The following EYA4 variants were observed in gnomAD, a reference collection of about 807,000 sequenced individuals.
EYA4 encodes the protein protein phosphatase EYA4.
EYA4 carries 31 observed loss-of-function variants against 87.9 expected under a neutral mutation model. That is an observed-to-expected ratio of 0.35 (90% confidence interval 0.27 to 0.48). The LOEUF is 0.48. EYA4 is among the 20% of genes least tolerant of loss of function. The pLI is 0.99. For missense variants in EYA4, 678 were observed against 761.4 expected (o/e 0.89, Z 1.29); for synonymous variants, 263 against 270.6 (o/e 0.97, Z 0.28).
At chr6:133,506,779 G>T (rs1190045891) in intron 14 of EYA4, among the ~76,000 whole-genome samples, 1 of 151,940 alleles carries the variant, frequency 6.6e-6, no homozygotes, top group African/African-American at 2.4e-5. Context: ...AAGAGGAATA[G>T]AAAATAAAAA....
chr6:133,515,184 A>T, intron 16 of EYA4, 137 bp from the exon 17 acceptor site: 1 of 701,474 alleles, frequency 1.4e-6, no homozygotes, highest in Non-Finnish European at 2.6e-6. Context: ...ATCAATATGG[A>T]CATAAATCTG....
intron 13 of EYA4, among the ~76,000 whole-genome samples, chr6:133,498,236 T>G (rs1310666214): frequency 6.6e-6 from 1 of 152,194 alleles, no homozygotes; most frequent in Non-Finnish European, 1.5e-5. Flanking sequence ...AAACACCATA[T>G]GCTTAGAGGG....
chr6:133,262,391 A>G (rs1444828941), intron 1 of EYA4, among the ~76,000 whole-genome samples: 3 of 152,230 alleles, frequency 2.0e-5, no homozygotes, highest in Non-Finnish European at 2.9e-5. Context: ...AGGGAAGAGC[A>G]ATAGGAGTAA....
chr6:133,525,113 C>T (rs1800521252), intron 18 of EYA4, 41 bp from the exon 19 acceptor site: 2 of 1,613,582 alleles, frequency 1.2e-6, no homozygotes, highest in Non-Finnish European at 1.7e-6. Context: ...TGCCGCTAAC[C>T]AGGTAACTTC....
chr6:133,525,051 T>C (rs1317020617), intron 18 of EYA4, 103 bp from the exon 19 acceptor site: 1 of 1,613,510 alleles, frequency 6.2e-7, no homozygotes, highest in Admixed American at 1.7e-5. Context: ...GTGTCCAGAT[T>C]TGGCACTAAC....
In EYA4 at chr6:133,439,049, C is replaced by CAAAAAAAAAAAAAAAAAAAA. The variant is rs56261819; in HGVS notation, c.84-7573_84-7554dup. On this transcript the variant is annotated intron_variant, in intron 3 of 19. Coordinates refer to ENST00000355286, the MANE Select transcript of EYA4 (RefSeq NM_004100.5). ...TGGGTGACAAAGCGAGACTCCGTCTCAAAAAAAAAAAAAAAAAAAAAAAAA... is the reference window on the plus strand; with the variant it reads ...TGGGTGACAAAGCGAGACTCCGTCTCAAAAAAAAAAAAAAAAAAAAAAAAAAAAAAAAAAAAAAAAAAAAA... 6.7e-4 allele frequency among the ~76,000 whole-genome samples: 43 copies of CAAAAAAAAAAAAAAAAAAAA among 64,030 alleles called. 1 individual carries two copies. Among genetic ancestry groups the CAAAAAAAAAAAAAAAAAAAA allele is most frequent in the East Asian group, 1.7e-3 (3 of 1,730 alleles). 42.0% of individuals were successfully genotyped at this position (64,030 alleles called of 152,430 possible).
chr6:133,306,027 A>G (rs533452917), intron 2 of EYA4, among the ~76,000 whole-genome samples: 2 of 152,084 alleles, frequency 1.3e-5, no homozygotes, highest in Non-Finnish European at 2.9e-5. Flanking sequence ...TATGTTTGAT[A>G]TGATCACAGA....
At chr6:133,369,339 T>C (rs984643078) in intron 2 of EYA4, among the ~76,000 whole-genome samples, 5 of 152,160 alleles carry the variant, frequency 3.3e-5, no homozygotes, top group African/African-American at 1.2e-4. Context: ...TTCATTTTCA[T>C]TTCATTAGAA....
At chr6:133,312,405 C>A (rs548682591) in intron 2 of EYA4, among the ~76,000 whole-genome samples, 2 of 147,718 alleles carry the variant, frequency 1.4e-5, no homozygotes, top group South Asian at 4.4e-4. Context: ...CACACACACA[C>A]ACACAGAGAT....
At chr6:133,355,126 A>G (rs1227337352) in intron 2 of EYA4, among the ~76,000 whole-genome samples, 4 of 152,082 alleles carry the variant, frequency 2.6e-5, no homozygotes, top group Non-Finnish European at 5.9e-5. Flanking sequence ...GTACAAGTGC[A>G]GGGTTTGTTA....
chr6:133,300,062 G>A (rs1236734100), intron 2 of EYA4, among the ~76,000 whole-genome samples: 3 of 151,634 alleles, frequency 2.0e-5, no homozygotes, highest in Non-Finnish European at 2.9e-5. Flanking sequence ...ACATTTTTTG[G>A]TGTTACGTAT....
intron 1 of EYA4, among the ~76,000 whole-genome samples, chr6:133,260,308 G>T (rs1369826853): frequency 6.6e-6 from 1 of 152,072 alleles, no homozygotes; most frequent in East Asian, 1.9e-4. Context: ...CACGATCTTG[G>T]CTTACTGCAA....
At chr6:133,246,579 G>A (rs754840418) in intron 1 of EYA4, among the ~76,000 whole-genome samples, 1 of 151,752 alleles carries the variant, frequency 6.6e-6, no homozygotes, top group Non-Finnish European at 1.5e-5. Context: ...TATCACCAAG[G>A]CATATATTAA....
At chr6:133,435,503 A>G (rs2128595667) in intron 3 of EYA4, 1 of 152,398 alleles carries the variant, frequency 6.6e-6, no homozygotes, top group East Asian at 1.9e-4. Context: ...TCCTTCTGGG[A>G]CTATCTGTCC....
chr6:133,518,332 G>A (rs1439388878), intron 17 of EYA4, among the ~76,000 whole-genome samples: 1 of 152,026 alleles, frequency 6.6e-6, no homozygotes. Flanking sequence ...TAACAAGGAA[G>A]GGAGGAGAAA....
At chr6:133,320,278 A>G (rs1156477579) in intron 2 of EYA4, among the ~76,000 whole-genome samples, 1 of 151,746 alleles carries the variant, frequency 6.6e-6, no homozygotes, top group Non-Finnish European at 1.5e-5. Flanking sequence ...TCACTCTTCC[A>G]CTTTACTTTT....
In EYA4 at chr6:133,412,142, C is replaced by T. The variant is rs181429181; in HGVS notation, c.83+29701C>T. ...CATATCTATTAAAAGTTTAATGCAG[C>T]AAATTTACTAATATTTGCAAAACCA... On this transcript the variant is annotated intron_variant, in intron 3 of 19. Coordinates refer to ENST00000355286, the MANE Select transcript of EYA4 (RefSeq NM_004100.5). Among the ~76,000 whole-genome samples the T allele has an allele frequency of 7.8e-3, 1,187 of 152,230 alleles. 11 individuals are homozygous for T. The highest frequency in any genetic ancestry group is 0.025 in the African/African-American group (1,018 of 41,522).
At chr6:133,486,250 A>G (rs945437032) in intron 13 of EYA4, among the ~76,000 whole-genome samples, 10 of 152,182 alleles carry the variant, frequency 6.6e-5, no homozygotes, top group Admixed American at 1.3e-4. Flanking sequence ...ATCATTGACA[A>G]TTTACTTAAT....
intron 3 of EYA4, chr6:133,435,344 G>T (rs1264317500): frequency 6.6e-6 from 1 of 152,278 alleles, no homozygotes. Flanking sequence ...CAGGGATGAG[G>T]TCACTGGCAC....
Sources: allele counts gnomAD v4.1 joint callset (sites outside exome capture counted in the v4.1 genomes callset), GRCh38; gene constraint gnomAD v4.1.1; transcripts MANE v1.5; gene names NCBI Gene and HGNC (gene_info 2026-07-23, HGNC 2026-07-21).